BOK: variants seen among roughly 807,000 people sequenced by gnomAD.
The protein encoded by BOK is BCL2 family apoptosis regulator BOK.
In BOK, 20 loss-of-function variants were observed where a neutral mutation model predicts 18.3. The ratio of observed to expected loss-of-function variants is 1.09; its 90% CI spans 0.77 to 1.59. The LOEUF is 1.59. Ranked by LOEUF, BOK falls within the 40% of genes most tolerant of loss-of-function variation. The pLI is 0.00. For missense variants in BOK, 348 were observed against 307.9 expected (o/e 1.13, Z -0.97); for synonymous variants, 173 against 142.4 (o/e 1.21, Z -1.53).
chr2:241,570,074 C>T (rs778649850), intron 3 of BOK, 51 bp from the exon 4 acceptor site: 1 of 1,569,992 alleles, frequency 6.4e-7, no homozygotes, highest in Admixed American at 1.9e-5. Flanking sequence ...TCCTTAAGTG[C>T]TCCCGTGGGC....
chr2:241,560,760 G>T (rs933804537), intron 2 of BOK, among the ~76,000 whole-genome samples: 1 of 152,116 alleles, frequency 6.6e-6, no homozygotes, highest in African/African-American at 2.4e-5. Flanking sequence ...GCCTCTAGTC[G>T]GGCTCTGAGA....
At chr2:241,568,815 T>C (rs2066658006) in intron 3 of BOK, among the ~76,000 whole-genome samples, 1 of 152,262 alleles carries the variant, frequency 6.6e-6, no homozygotes, top group Non-Finnish European at 1.5e-5. Flanking sequence ...GTGAATTGGC[T>C]GCTGTGAATG....
In BOK at chr2:241,562,751, G is replaced by A. The variant is rs1018655024; in HGVS notation, c.349+275G>A. ...TGGTTGTAGTTGTGGTCCAGCATCC[G>A]TGGGGCCGCGTGACCTGCAGTCCTG... is the stretch of plus-strand genomic sequence containing the variant. On this transcript the variant is annotated intron_variant, in intron 3 of 4. Transcript: ENST00000318407. The surrounding 1 kb of genome is among the most constrained non-coding windows in gnomAD (Gnocchi z 4.5). Among the ~76,000 whole-genome samples, 15 of 152,214 alleles carry A rather than the reference G, an allele frequency of 9.9e-5. No individual in the cohort carries two copies. Among genetic ancestry groups the A allele is most frequent in the Non-Finnish European group, 2.2e-4 (15 of 68,040 alleles).
intron 3 of BOK, 107 bp from the exon 4 acceptor site, chr2:241,570,018 T>C: frequency 7.3e-7 from 1 of 1,370,130 alleles, no homozygotes; most frequent in East Asian, 2.6e-5. Flanking sequence ...CCCTGGTCAT[T>C]AGCTGGACGG....
intron 1 of BOK, among the ~76,000 whole-genome samples, chr2:241,553,190 GC>G (rs2066426740): frequency 1.3e-5 from 2 of 150,352 alleles, no homozygotes; most frequent in African/African-American, 4.9e-5. Context: ...CACCCTTGTA[GC>G]CCAGGCTGCA....
At chr2:241,565,520 G>A (rs2066596777) in intron 3 of BOK, among the ~76,000 whole-genome samples, 2 of 151,878 alleles carry the variant, frequency 1.3e-5, no homozygotes, top group Non-Finnish European at 2.9e-5. Context: ...ACACATCCTT[G>A]CCTCCCTGCC....
Position 241,559,466 on chromosome 2 carries a change from C to G in BOK, c.-18C>G. On this transcript the variant is annotated 5_prime_UTR_variant, in exon 2 of 5. Coordinates refer to ENST00000318407, the MANE Select transcript of BOK (RefSeq NM_032515.5). ...GCTTGTGCCCGCAGGTGCGGCGCCC[C>G]CCACCCGCGTCGCCGCCATGGAGGT... is the stretch of plus-strand genomic sequence containing the variant. 1 of 1,449,450 alleles carries G rather than the reference C, an allele frequency of 6.9e-7. No homozygotes were observed. Among genetic ancestry groups the G allele is most frequent in the Non-Finnish European group, 9.1e-7 (1 of 1,104,464 alleles). 89.8% of individuals were successfully genotyped at this position (1,449,450 alleles called of 1,614,324 possible). A position where few individuals can be genotyped will look rare whatever the true frequency, so the allele number is the denominator to read the frequency against.
At chr2:241,565,622 G>A (rs1328775686) in intron 3 of BOK, among the ~76,000 whole-genome samples, 6 of 152,154 alleles carry the variant, frequency 3.9e-5, no homozygotes, top group Admixed American at 2.0e-4. Flanking sequence ...GAGGGTGTGC[G>A]CCCTGCCCAG....
At chr2:241,570,043 G>A in intron 3 of BOK, 82 bp from the exon 4 acceptor site, 2 of 1,480,436 alleles carry the variant, frequency 1.4e-6, no homozygotes, top group Non-Finnish European at 1.8e-6. Flanking sequence ...CAGGACAGCG[G>A]CTCAGAGAGG....
rs935738338 is a variant in BOK, at chr2:241,569,913, G to A, written c.350-212G>A. Reference sequence around the variant, plus strand: ...CCCTGCGGCCTCCTGCACAGACGTGGGCTGGGCAGGTGTGCAGTGGAGGCC... The same window carrying A: ...CCCTGCGGCCTCCTGCACAGACGTGAGCTGGGCAGGTGTGCAGTGGAGGCC... On this transcript the variant is annotated intron_variant, in intron 3 of 4. Coordinates refer to ENST00000318407, the MANE Select transcript of BOK (RefSeq NM_032515.5). Among the ~76,000 whole-genome samples the A allele has an allele frequency of 5.3e-5, 8 of 152,302 alleles. 2 individuals are homozygous for A. Among genetic ancestry groups the A allele is most frequent in the Admixed American group, 6.5e-5 (1 of 15,306 alleles).
chr2:241,551,700 C>T (rs1418598880), intron 1 of BOK, among the ~76,000 whole-genome samples: 1 of 151,992 alleles, frequency 6.6e-6, no homozygotes, highest in Non-Finnish European at 1.5e-5. Context: ...ACAGGGAAAC[C>T]CCCCACGGGA....
At position 241,572,594 on chromosome 2, in the gene BOK, G is replaced by A; in HGVS notation, c.*172G>A. 1 of 1,027,666 alleles carries A rather than the reference G, an allele frequency of 9.7e-7. No homozygotes were observed. The highest frequency in any genetic ancestry group is 1.4e-6 in the Non-Finnish European group (1 of 724,670). The allele number at this position is 1,027,666 out of a possible 1,614,324, so 63.7% of individuals were successfully genotyped here. ...CAGGCCCTCCGGAAGGGGTGAGTGG[G>A]GAGGGGCTTTCCTGAGCCTGGAGCT... is the stretch of plus-strand genomic sequence containing the variant. On this transcript the variant is annotated 3_prime_UTR_variant, in exon 5 of 5. Coordinates refer to ENST00000318407, the MANE Select transcript of BOK (RefSeq NM_032515.5).
chr2:241,562,587 T>C lies in BOK; in HGVS notation c.349+111T>C, dbSNP rs1305072218. The stretch of plus-strand genomic sequence containing the variant: ...CCCCACCCATCCTGGCGCTGCCCAG[T>C]GCCCACCGGTGCCATCTCACTGCTG... On this transcript the variant is annotated intron_variant, in intron 3 of 4. Transcript: ENST00000318407. The surrounding 1 kb of genome is among the most constrained non-coding windows in gnomAD (Gnocchi z 4.5). 7.5e-7 allele frequency: 1 copy of C among 1,337,264 alleles called. No individual in the cohort carries two copies. Among genetic ancestry groups the C allele is most frequent in the African/African-American group, 1.5e-5 (1 of 67,598 alleles). The allele number at this position is 1,337,264 out of a possible 1,614,324, so 82.8% of individuals were successfully genotyped here.
chr2:241,560,565 G>C (rs1025844264), intron 2 of BOK, among the ~76,000 whole-genome samples: 1 of 152,258 alleles, frequency 6.6e-6, no homozygotes, highest in Non-Finnish European at 1.5e-5. Context: ...TGGGCCCAGA[G>C]AGCAAAGCTG....
chr2:241,569,212 C>G (rs1230857543), intron 3 of BOK, among the ~76,000 whole-genome samples: 2 of 152,246 alleles, frequency 1.3e-5, no homozygotes, highest in African/African-American at 2.4e-5. Context: ...CTCACTGCAA[C>G]CTCCGCCTCC....
intron 3 of BOK, among the ~76,000 whole-genome samples, chr2:241,569,348 C>G (rs58411874): frequency 0.03 from 4,508 of 152,164 alleles, 223 homozygotes; most frequent in African/African-American, 0.1. Context: ...GGTCAGGCTG[C>G]TCTTGAACTC....
intron 2 of BOK, chr2:241,559,970 CTA>C (rs2066501979): frequency 1.4e-6 from 1 of 720,078 alleles, no homozygotes; most frequent in African/African-American, 1.9e-5. Flanking sequence ...AAAGAATAAT[CTA>C]TTAGTGGGTG....
chr2:241,558,630 G>C (rs952860228), upstream of BOK: 6 of 152,278 alleles, frequency 3.9e-5, no homozygotes, highest in South Asian at 2.1e-4. Context: ...CGCCTTCTCC[G>C]GGCGCATCCA....
intron 3 of BOK, among the ~76,000 whole-genome samples, chr2:241,564,347 T>C (rs996948919): frequency 6.6e-6 from 1 of 152,222 alleles, no homozygotes; most frequent in Non-Finnish European, 1.5e-5. Context: ...CTGGCGCTCC[T>C]GGGGTGGCCT....
Sources: gnomAD v4.1 joint callset for allele counts (sites outside exome capture counted in the v4.1 genomes callset) on GRCh38, gnomAD v4.1.1 for gene constraint, Gnocchi (gnomAD v3.1) non-coding constraint, MANE v1.5 for transcripts, NCBI Gene and HGNC (gene_info 2026-07-23, HGNC 2026-07-21) for gene names.